The following SPMIP3 variants were observed in gnomAD, a reference collection of about 807,000 sequenced individuals.
SPMIP3 encodes the protein protein SPMIP3.
chr1:244,375,463 C>T, the SPMIP3 span: 10 of 1,612,624 alleles, frequency 6.2e-6, 1 homozygote, highest in South Asian at 8.8e-5. Flanking sequence ...AAAGAGAGCT[C>T]CCAGGTGAGA....
the SPMIP3 span, among the ~76,000 whole-genome samples, chr1:244,354,894 T>C: frequency 1.3e-5 from 2 of 152,092 alleles, no homozygotes; most frequent in African/African-American, 2.4e-5. Flanking sequence ...TATGAAAGGA[T>C]TGTGTTTTAG....
the SPMIP3 span, among the ~76,000 whole-genome samples, chr1:244,362,772 T>C: frequency 2.3e-3 from 348 of 151,892 alleles, 4 homozygotes; most frequent in African/African-American, 8.0e-3. Flanking sequence ...CTAAGGTAAA[T>C]GGTAAAAAGT....
the SPMIP3 span, among the ~76,000 whole-genome samples, chr1:244,385,844 T>C: frequency 2.0e-5 from 3 of 152,148 alleles, no homozygotes; most frequent in Non-Finnish European, 4.4e-5. Context: ...GTAAAAATCA[T>C]GCATGATCAA....
At chr1:244,386,133 G>A in the SPMIP3 span, among the ~76,000 whole-genome samples, 9 of 151,990 alleles carry the variant, frequency 5.9e-5, no homozygotes, top group Middle Eastern at 3.2e-3. Context: ...AGCCAAGATC[G>A]CACCACTGCA....
the SPMIP3 span, among the ~76,000 whole-genome samples, chr1:244,365,785 G>A: frequency 6.6e-6 from 1 of 152,134 alleles, no homozygotes; most frequent in Non-Finnish European, 1.5e-5. Flanking sequence ...TTTTGCTTGG[G>A]AAGAGCTTTA....
chr1:244,366,977 G>C, the SPMIP3 span, among the ~76,000 whole-genome samples: 1 of 152,178 alleles, frequency 6.6e-6, no homozygotes, highest in East Asian at 1.9e-4. Context: ...CAGGTGGAGA[G>C]GTAGGCAGAA....
the SPMIP3 span, among the ~76,000 whole-genome samples, chr1:244,361,437 C>T: frequency 6.6e-6 from 1 of 151,930 alleles, no homozygotes; most frequent in Non-Finnish European, 1.5e-5. Flanking sequence ...TCATGTTGGC[C>T]AGGCTGGTCT....
the SPMIP3 span, among the ~76,000 whole-genome samples, chr1:244,366,101 A>G: frequency 0.78 from 119,205 of 152,042 alleles, 46,898 homozygotes; most frequent in East Asian, 0.92. Flanking sequence ...ACCTCACACC[A>G]TGACATGGGG....
chr1:244,362,301 G>T, the SPMIP3 span, among the ~76,000 whole-genome samples: 1 of 152,152 alleles, frequency 6.6e-6, no homozygotes, highest in African/African-American at 2.4e-5. Context: ...GATGGTCTGG[G>T]TGCCTTGTGA....
At chr1:244,354,183 A>C in the SPMIP3 span, among the ~76,000 whole-genome samples, 1 of 67,858 alleles carries the variant, frequency 1.5e-5, no homozygotes, top group African/African-American at 3.8e-5. Flanking sequence ...CCAGATACAT[A>C]ACATCAAGTC....
the SPMIP3 span, among the ~76,000 whole-genome samples, chr1:244,373,070 T>C: frequency 9.9e-5 from 15 of 151,976 alleles, no homozygotes; most frequent in African/African-American, 3.6e-4. Flanking sequence ...TTTCTGCTTT[T>C]AGTCACATGG....
chr1:244,364,677 T>C, the SPMIP3 span: 1 of 1,604,868 alleles, frequency 6.2e-7, no homozygotes, highest in African/African-American at 1.3e-5. Flanking sequence ...TATGCCATAA[T>C]TTTTTTTCAG....
chr1:244,360,816 G>A, the SPMIP3 span, among the ~76,000 whole-genome samples: 1 of 151,002 alleles, frequency 6.6e-6, no homozygotes, highest in African/African-American at 2.4e-5. Flanking sequence ...CCTGGGAGGC[G>A]GAGATTGCAG....
the SPMIP3 span, among the ~76,000 whole-genome samples, chr1:244,366,509 C>A: frequency 6.6e-6 from 1 of 152,194 alleles, no homozygotes; most frequent in Non-Finnish European, 1.5e-5. Flanking sequence ...GTTTGGTCAA[C>A]AAAAGAGAAG....
the SPMIP3 span, among the ~76,000 whole-genome samples, chr1:244,356,525 C>T: frequency 6.6e-6 from 1 of 152,106 alleles, no homozygotes; most frequent in Non-Finnish European, 1.5e-5. Context: ...TTTATCTTGG[C>T]TCACCTTCTG....
At chr1:244,370,335 G>A in the SPMIP3 span, among the ~76,000 whole-genome samples, 1 of 152,210 alleles carries the variant, frequency 6.6e-6, no homozygotes. Flanking sequence ...GCACAGGTCT[G>A]GAGGCTTCCT....
At chr1:244,376,312 T>C in the SPMIP3 span, 1 of 152,198 alleles carries the variant, frequency 6.6e-6, no homozygotes, top group African/African-American at 2.4e-5. Context: ...CAGGCAAACA[T>C]AACTGATGAT....
the SPMIP3 span, among the ~76,000 whole-genome samples, chr1:244,376,726 T>C: frequency 6.6e-6 from 1 of 152,242 alleles, no homozygotes; most frequent in Admixed American, 6.5e-5. Flanking sequence ...TTCAATTCAA[T>C]GCATAATTCA....
At chr1:244,376,928 CCT>C in the SPMIP3 span, among the ~76,000 whole-genome samples, 1 of 151,906 alleles carries the variant, frequency 6.6e-6, no homozygotes, top group African/African-American at 2.4e-5. Context: ...CCTGCCTCAG[CCT>C]CCCGAGTAGC....
Sources: allele counts gnomAD v4.1 joint callset (sites outside exome capture counted in the v4.1 genomes callset), GRCh38; gene constraint gnomAD v4.1.1; transcripts MANE v1.5; gene names NCBI Gene and HGNC (gene_info 2026-07-23, HGNC 2026-07-21).